The following LCORL variants were observed in gnomAD, a reference collection of about 807,000 sequenced individuals.
LCORL encodes ligand dependent nuclear receptor corepressor like, also known as ligand-dependent nuclear receptor corepressor-like protein.
LCORL carries 41 observed loss-of-function variants against 141.8 expected under a neutral mutation model. The observed-to-expected ratio is 0.29, with a 90% CI of 0.23 to 0.38. The LOEUF is 0.38. LCORL is among the 10% of genes least tolerant of loss of function. The pLI is 1.00. For synonymous variants in LCORL, 618 were observed against 694.1 expected (o/e 0.89, Z 1.72); for missense variants, 1,759 against 2,035.0 (o/e 0.86, Z 2.61).
At chr4:17,971,650 A>G (rs1715966738) in intron 2 of LCORL, among the ~76,000 whole-genome samples, 1 of 151,642 alleles carries the variant, frequency 6.6e-6, no homozygotes, top group Non-Finnish European at 1.5e-5. Context: ...AATACTTAGG[A>G]GCTCAAAATT....
chr4:18,020,325 G>A (rs1725301400), intron 1 of LCORL, among the ~76,000 whole-genome samples: 1 of 152,064 alleles, frequency 6.6e-6, no homozygotes, highest in African/African-American at 2.4e-5. Flanking sequence ...GTTTTCTTAA[G>A]ACACTAGGGT....
At chr4:17,887,078 C>A (rs1357755339) in intron 5 of LCORL, among the ~76,000 whole-genome samples, 1 of 152,046 alleles carries the variant, frequency 6.6e-6, no homozygotes, top group East Asian at 1.9e-4. Context: ...TAACCATAAT[C>A]AATCCATGAA....
At chr4:17,910,300 G>C (rs761560746) in intron 4 of LCORL, among the ~76,000 whole-genome samples, 7 of 152,158 alleles carry the variant, frequency 4.6e-5, no homozygotes, top group Non-Finnish European at 1.0e-4. Flanking sequence ...TTTCTGGTTT[G>C]GCTCCATTCC....
chr4:17,979,944 C>T (rs1717668985), intron 1 of LCORL, among the ~76,000 whole-genome samples: 1 of 152,132 alleles, frequency 6.6e-6, no homozygotes, highest in South Asian at 2.1e-4. Context: ...AAAGAATCAA[C>T]CAACCACTGC....
At chr4:17,880,686 T>C (rs966981046) in intron 6 of LCORL, 61 of 975,080 alleles carry the variant, frequency 6.3e-5, no homozygotes, top group Middle Eastern at 5.2e-4. Context: ...TGCAAAAGCA[T>C]TGAAGTGCTT....
At chr4:17,922,485 C>T (rs1734456056) in intron 4 of LCORL, among the ~76,000 whole-genome samples, 1 of 152,182 alleles carries the variant, frequency 6.6e-6, no homozygotes, top group African/African-American at 2.4e-5. Context: ...CGGTTGGTTG[C>T]TCCTAAGTTC....
intron 7 of LCORL, among the ~76,000 whole-genome samples, chr4:17,854,078 GA>G (rs1724078775): frequency 6.6e-6 from 1 of 152,110 alleles, no homozygotes; most frequent in Admixed American, 6.6e-5. Flanking sequence ...ACAAGGGGAA[GA>G]AATATTTGAT....
At chr4:17,843,484 A>G in exon 8 of LCORL, 1 of 1,575,008 alleles carries the variant, frequency 6.3e-7, no homozygotes, top group Non-Finnish European at 8.7e-7. Flanking sequence ...TTTAATAAAG[A>G]AGAAGTTACC....
exon 7 of LCORL, chr4:17,877,402 C>T (rs1727036476): frequency 8.1e-7 from 1 of 1,230,216 alleles, no homozygotes. Context: ...TCCATTAAAT[C>T]TTGAAAAATT....
intron 1 of LCORL, among the ~76,000 whole-genome samples, chr4:18,014,824 T>A (rs555840482): frequency 6.6e-6 from 1 of 152,218 alleles, no homozygotes; most frequent in Non-Finnish European, 1.5e-5. Context: ...TCACATTCTC[T>A]TATCTAGATT....
At chr4:17,906,091 T>C (rs1406592646) in intron 5 of LCORL, among the ~76,000 whole-genome samples, 1 of 152,200 alleles carries the variant, frequency 6.6e-6, no homozygotes, top group Admixed American at 6.5e-5. Context: ...AACAACTTTG[T>C]TTAAATCCTA....
chr4:18,006,086 G>C (rs999434488), intron 1 of LCORL, among the ~76,000 whole-genome samples: 2 of 152,084 alleles, frequency 1.3e-5, no homozygotes, highest in Non-Finnish European at 2.9e-5. Context: ...TGGCACCTAA[G>C]TCACCTCTTG....
intron 6 of LCORL, among the ~76,000 whole-genome samples, chr4:17,885,785 TTC>T (rs1432426028): frequency 6.6e-6 from 1 of 151,982 alleles, no homozygotes; most frequent in Non-Finnish European, 1.5e-5. Flanking sequence ...TAATTTAATA[TTC>T]TCTTACTCGT....
intron 7 of LCORL, among the ~76,000 whole-genome samples, chr4:17,846,849 C>T (rs760343506): frequency 2.0e-5 from 3 of 152,122 alleles, no homozygotes; most frequent in African/African-American, 7.2e-5. Context: ...TAAAACATTG[C>T]ATTGGATTGT....
intron 1 of LCORL, among the ~76,000 whole-genome samples, chr4:17,988,668 T>C (rs530325270): frequency 6.6e-6 from 1 of 152,182 alleles, no homozygotes; most frequent in Non-Finnish European, 1.5e-5. Context: ...GTTTTTATAA[T>C]CATCAAAGAT....
At chr4:17,876,485 C>T in exon 7 of LCORL, 1 of 1,230,810 alleles carries the variant, frequency 8.1e-7, no homozygotes, top group Non-Finnish European at 1.0e-6. Flanking sequence ...GCTTCACAAC[C>T]ACTTGTAAAT....
chr4:17,910,856 T>A (rs1022655523), intron 4 of LCORL, among the ~76,000 whole-genome samples: 1 of 152,192 alleles, frequency 6.6e-6, no homozygotes, highest in Non-Finnish European at 1.5e-5. Context: ...CAAATAATTT[T>A]GAATTCTGAA....
intron 1 of LCORL, among the ~76,000 whole-genome samples, chr4:17,999,777 T>C (rs1479074118): frequency 1.3e-5 from 2 of 152,210 alleles, no homozygotes; most frequent in South Asian, 4.1e-4. Flanking sequence ...CAATGTTCCT[T>C]AAAATCTCAG....
At position 18,021,449 on chromosome 4, in the gene LCORL, G is replaced by A; in HGVS notation, c.154+149C>T. 2 of 632,288 alleles carry A rather than the reference G, an allele frequency of 3.2e-6. No homozygotes were observed. Among genetic ancestry groups the A allele is most frequent in the Non-Finnish European group, 2.5e-6 (1 of 403,828 alleles). 39.2% of individuals were successfully genotyped at this position (632,288 alleles called of 1,614,324 possible). A position where few individuals can be genotyped will look rare whatever the true frequency, so the allele number is the denominator to read the frequency against. On this transcript the variant is annotated intron_variant, in intron 1 of 7. Coordinates refer to ENST00000635767, the Ensembl canonical transcript of LCORL. The surrounding 1 kb of genome is among the most constrained non-coding windows in gnomAD (Gnocchi z 5.5). The stretch of plus-strand genomic sequence containing the variant: ...GCCCGCAAGACAAAAGGCGAGCGCC[G>A]GGGCCGCCGCGCCGCGCCGCTCCCA...
Sources: gnomAD v4.1 joint callset for allele counts (sites outside exome capture counted in the v4.1 genomes callset) on GRCh38, gnomAD v4.1.1 for gene constraint, Gnocchi (gnomAD v3.1) non-coding constraint, MANE v1.5 for transcripts, NCBI Gene and HGNC (gene_info 2026-07-23, HGNC 2026-07-21) for gene names.